The following KIAA1958 variants were observed in gnomAD, a reference collection of about 807,000 sequenced individuals.
KIAA1958 encodes the protein KIAA1958.
In KIAA1958, 14 loss-of-function variants were observed where a neutral mutation model predicts 47.2. The observed-to-expected ratio is 0.30, with a 90% CI of 0.20 to 0.46. The LOEUF is 0.46. Ranked by LOEUF, KIAA1958 falls within the 20% of genes least tolerant of loss-of-function variation. The pLI, the probability that KIAA1958 is intolerant of heterozygous loss-of-function variation, is 1.00. For synonymous variants in KIAA1958, 354 were observed against 353.3 expected (o/e 1.00, Z -0.02); for missense variants, 803 against 909.2 (o/e 0.88, Z 1.50).
At chr9:112,604,517 T>A (rs192110051) in intron 2 of KIAA1958, among the ~76,000 whole-genome samples, 46 of 152,304 alleles carry the variant, frequency 3.0e-4, no homozygotes, top group African/African-American at 1.0e-3. Flanking sequence ...TTCAAAGAAC[T>A]AAGGTCACCT....
At chr9:112,604,994 CAT>C (rs1050133086) in intron 2 of KIAA1958, among the ~76,000 whole-genome samples, 52 of 144,872 alleles carry the variant, frequency 3.6e-4, no homozygotes, top group African/African-American at 1.1e-3. Flanking sequence ...TTATGTATAA[CAT>C]ATTTTTATAT....
At chr9:112,506,223 G>A (rs564113401) in intron 1 of KIAA1958, among the ~76,000 whole-genome samples, 7 of 152,296 alleles carry the variant, frequency 4.6e-5, no homozygotes, top group African/African-American at 1.4e-4. Flanking sequence ...TTGGGAGGCC[G>A]AAGCAGGCGG....
At chr9:112,566,029 C>T (rs573551852) in intron 1 of KIAA1958, among the ~76,000 whole-genome samples, 14 of 152,038 alleles carry the variant, frequency 9.2e-5, no homozygotes, top group African/African-American at 2.9e-4. Flanking sequence ...TCAGCCTCCC[C>T]AGTAGTTGGG....
chr9:112,615,763 T>C (rs1482906837), intron 2 of KIAA1958, among the ~76,000 whole-genome samples: 2 of 152,184 alleles, frequency 1.3e-5, no homozygotes, highest in African/African-American at 2.4e-5. Flanking sequence ...AGACAGGAAA[T>C]GCTAATGGGT....
chr9:112,618,119 A>G lies in KIAA1958; in HGVS notation c.1172-27531A>G. ...GGCCAATTACCAGTGTGGGCTCGAAAGGTACCTGAAAGAACACAGGTATGG... is the reference window on the plus strand; with the variant it reads ...GGCCAATTACCAGTGTGGGCTCGAAGGGTACCTGAAAGAACACAGGTATGG... On this transcript the variant is annotated intron_variant, in intron 2 of 3. Coordinates refer to ENST00000337530, the MANE Select transcript of KIAA1958 (RefSeq NM_133465.4). The surrounding 1 kb of genome is among the most constrained non-coding windows in gnomAD (Gnocchi z 7.1). 1 of 1,550,614 alleles carries G rather than the reference A, an allele frequency of 6.4e-7. No individual in the cohort carries two copies. The highest frequency in any genetic ancestry group is 8.7e-7 in the Non-Finnish European group (1 of 1,146,998).
Position 112,645,757 on chromosome 9 carries a change from G to A in KIAA1958, c.1279G>A (p.Ala427Thr), listed in dbSNP as rs768342901. Residue 427 changes from alanine to threonine, a missense_variant, in exon 3 of 4, where the codon GCC becomes ACC. Physicochemically the swap from Ala to Thr is moderately conservative, Grantham distance 58. Around this residue, in one of 2 missense-constraint regions of KIAA1958, gnomAD observed 761 missense variants for 829.3 expected, o/e 0.92. Transcript: ENST00000337530. ...SPNTTKATRY[A>T]LNVWRYWCMT... ...AAATACTACCAAAGCCACGCGGTAC[G>A]CCTTGAATGTGTGGCGTTATTGGTG... 6 of 1,614,002 alleles carry A rather than the reference G, an allele frequency of 3.7e-6. No homozygotes were observed. The highest frequency in any genetic ancestry group is 4.2e-6 in the Non-Finnish European group (5 of 1,180,008).
At chr9:112,552,927 G>A (rs1356886855) in intron 1 of KIAA1958, among the ~76,000 whole-genome samples, 2 of 152,054 alleles carry the variant, frequency 1.3e-5, no homozygotes, top group African/African-American at 4.8e-5. Flanking sequence ...CCTTTATGAT[G>A]GGGAAGAGCG....
chr9:112,610,110 A>AT (rs1381939642), intron 2 of KIAA1958, among the ~76,000 whole-genome samples: 2 of 151,648 alleles, frequency 1.3e-5, no homozygotes, highest in African/African-American at 2.4e-5. Flanking sequence ...ATAACACTAA[A>AT]TTTTTTTTTG....
rs1196859950 is a variant in KIAA1958 at position 112,515,192 on chromosome 9, C to A, written c.-25+28074C>A. On this transcript the variant is annotated intron_variant, in intron 1 of 3. Coordinates refer to ENST00000337530, the MANE Select transcript of KIAA1958 (RefSeq NM_133465.4). ...AGGAGCCCCTCTGCCCGGCCAGCCGCCCCGTCCGGGAGGAAGGTGGGGGGG... is the reference window on the plus strand; with the variant it reads ...AGGAGCCCCTCTGCCCGGCCAGCCGACCCGTCCGGGAGGAAGGTGGGGGGG... 1.8e-5 allele frequency among the ~76,000 whole-genome samples: 2 copies of A among 109,550 alleles called. 1 individual carries two copies. The highest frequency in any genetic ancestry group is 6.4e-5 in the African/African-American group (2 of 31,130). The allele number at this position is 109,550 out of a possible 152,430, so 71.9% of individuals were successfully genotyped here. A position where few individuals can be genotyped will look rare whatever the true frequency, so the allele number is the denominator to read the frequency against.
At chr9:112,616,494 T>C (rs1836410046) in intron 2 of KIAA1958, among the ~76,000 whole-genome samples, 1 of 152,208 alleles carries the variant, frequency 6.6e-6, no homozygotes, top group Admixed American at 6.5e-5. Flanking sequence ...CGCTAAGCAG[T>C]CTTACAAGTT....
At chr9:112,635,963 G>A (rs919172564) in intron 2 of KIAA1958, among the ~76,000 whole-genome samples, 4 of 151,316 alleles carry the variant, frequency 2.6e-5, no homozygotes, top group African/African-American at 9.7e-5. Flanking sequence ...TTCTTTTGTA[G>A]CCTATGCACT....
intron 1 of KIAA1958, among the ~76,000 whole-genome samples, chr9:112,561,195 C>T (rs1218912156): frequency 2.0e-5 from 3 of 151,872 alleles, no homozygotes; most frequent in Admixed American, 2.0e-4. Context: ...GCTGGGACTA[C>T]AGGCACCCAC....
chr9:112,590,422 G>A (rs1462367333), intron 2 of KIAA1958, among the ~76,000 whole-genome samples: 1 of 146,900 alleles, frequency 6.8e-6, no homozygotes, highest in Non-Finnish European at 1.5e-5. Context: ...CGCGATCTCC[G>A]CTCACTGCAA....
chr9:112,627,449 A>G (rs1836636350), intron 2 of KIAA1958, among the ~76,000 whole-genome samples: 1 of 152,130 alleles, frequency 6.6e-6, no homozygotes, highest in Admixed American at 6.5e-5. Flanking sequence ...TATTGTTTGA[A>G]TTTCATTTAA....
intron 2 of KIAA1958, among the ~76,000 whole-genome samples, chr9:112,624,623 G>T (rs924332967): frequency 6.6e-6 from 1 of 152,092 alleles, no homozygotes; most frequent in Non-Finnish European, 1.5e-5. Flanking sequence ...ATTCCTCATG[G>T]TCCAGCCTGT....
At chr9:112,520,290 A>G (rs1834515511) in intron 1 of KIAA1958, among the ~76,000 whole-genome samples, 1 of 152,216 alleles carries the variant, frequency 6.6e-6, no homozygotes, top group Admixed American at 6.5e-5. Context: ...AGTTGTAGAT[A>G]AGACAATGAA....
chr9:112,608,465 G>A (rs146981082), intron 2 of KIAA1958, among the ~76,000 whole-genome samples: 1 of 152,270 alleles, frequency 6.6e-6, no homozygotes, highest in African/African-American at 2.4e-5. Context: ...GACATTTTTT[G>A]TAGTGGAGTA....
At chr9:112,513,522 G>T (rs1452529097) in intron 1 of KIAA1958, among the ~76,000 whole-genome samples, 47 of 95,862 alleles carry the variant, frequency 4.9e-4, no homozygotes, top group African/African-American at 1.9e-3. Flanking sequence ...GCTGCGGCCC[G>T]GGGCAGTGCG....
intron 1 of KIAA1958, among the ~76,000 whole-genome samples, chr9:112,556,525 G>A (rs1383320171): frequency 6.6e-6 from 1 of 152,102 alleles, no homozygotes. Context: ...TGTAGAGATA[G>A]GGTCTTACTG....
Sources: gnomAD v4.1 joint callset for allele counts (sites outside exome capture counted in the v4.1 genomes callset) on GRCh38, gnomAD v4.1.1 for gene constraint, gnomAD v4.1.1 regional missense constraint, Gnocchi (gnomAD v3.1) non-coding constraint, MANE v1.5 for transcripts, NCBI Gene and HGNC (gene_info 2026-07-23, HGNC 2026-07-21) for gene names.